COL22A1: variants seen among roughly 807,000 people sequenced by gnomAD.
The protein encoded by COL22A1 is collagen type XXII alpha 1 chain.
A neutral mutation model predicts 248.9 loss-of-function variants in COL22A1; 221 were observed. The ratio of observed to expected loss-of-function variants is 0.89; its 90% CI spans 0.80 to 0.99. The LOEUF (loss-of-function observed/expected upper bound fraction) is 0.99. Ranked by LOEUF, COL22A1 falls within the 50% of genes least tolerant of loss-of-function variation. The pLI is 0.00. For synonymous variants in COL22A1, 891 were observed against 793.4 expected (o/e 1.12, Z -2.07); for missense variants, 2,240 against 2,179.0 (o/e 1.03, Z -0.56).
At chr8:138,807,993 A>C (rs1817872902) in intron 9 of COL22A1, among the ~76,000 whole-genome samples, 181 bp from the exon 10 acceptor site, 1 of 152,234 alleles carries the variant, frequency 6.6e-6, no homozygotes, top group Non-Finnish European at 1.5e-5. Flanking sequence ...CTTGAACTGC[A>C]AACCTATACG....
At chr8:138,806,517 G>T (rs1036596336) in intron 10 of COL22A1, among the ~76,000 whole-genome samples, 1 of 152,072 alleles carries the variant, frequency 6.6e-6, no homozygotes, top group African/African-American at 2.4e-5. Flanking sequence ...AAGGAGGGAC[G>T]CATAGGAAGG....
intron 55 of COL22A1, among the ~76,000 whole-genome samples, chr8:138,614,430 A>G (rs182015645): frequency 8.3e-4 from 126 of 152,330 alleles, no homozygotes; most frequent in African/African-American, 2.8e-3. Flanking sequence ...TGGATAAAAA[A>G]TCAGAAACTT....
At chr8:138,871,158 C>G (rs553845838) in intron 3 of COL22A1, among the ~76,000 whole-genome samples, 2 of 152,112 alleles carry the variant, frequency 1.3e-5, no homozygotes, top group Non-Finnish European at 2.9e-5. Flanking sequence ...CCAGACTTGC[C>G]AACAGCCAGC....
At chr8:138,742,368 TG>T (rs1327253004) in intron 22 of COL22A1, among the ~76,000 whole-genome samples, 1 of 151,940 alleles carries the variant, frequency 6.6e-6, no homozygotes, top group Non-Finnish European at 1.5e-5. Context: ...GTGGAGTTGA[TG>T]GTGATGATGA....
intron 3 of COL22A1, among the ~76,000 whole-genome samples, chr8:138,863,914 T>G (rs1822672533): frequency 1.3e-5 from 2 of 152,158 alleles, no homozygotes; most frequent in Admixed American, 1.3e-4. Flanking sequence ...TGGAAAAGGG[T>G]TTCCGCTCTC....
intron 60 of COL22A1, among the ~76,000 whole-genome samples, chr8:138,601,702 T>A (rs942209970): frequency 6.6e-6 from 1 of 152,048 alleles, no homozygotes; most frequent in Non-Finnish European, 1.5e-5. Context: ...TATGGGAAAA[T>A]CTGTTCCCTT....
At chr8:138,669,263 T>A (rs1824800141) in intron 41 of COL22A1, among the ~76,000 whole-genome samples, 1 of 151,448 alleles carries the variant, frequency 6.6e-6, no homozygotes, top group African/African-American at 2.4e-5. Context: ...AGGGGCAGAG[T>A]GAAGCTGAGC....
At chr8:138,829,100 C>G (rs1819821955) in intron 5 of COL22A1, among the ~76,000 whole-genome samples, 1 of 152,216 alleles carries the variant, frequency 6.6e-6, no homozygotes, top group African/African-American at 2.4e-5. Flanking sequence ...GCTGTAGGAC[C>G]TGCGAGCAAG....
intron 48 of COL22A1, among the ~76,000 whole-genome samples, chr8:138,636,506 G>GAAAGT (rs1821178660): frequency 6.7e-6 from 1 of 148,582 alleles, no homozygotes; most frequent in Admixed American, 6.8e-5. Flanking sequence ...GAAAGGAAAG[G>GAAAGT]AAAGGAAAGG....
intron 3 of COL22A1, among the ~76,000 whole-genome samples, chr8:138,860,368 C>G (rs1037031899): frequency 6.6e-6 from 1 of 152,228 alleles, no homozygotes; most frequent in Non-Finnish European, 1.5e-5. Context: ...TCCAGGTGGT[C>G]ACCCTGACAT....
chr8:138,722,463 A>G (rs1025112733), intron 25 of COL22A1, among the ~76,000 whole-genome samples: 14 of 152,270 alleles, frequency 9.2e-5, no homozygotes, highest in African/African-American at 3.4e-4. Flanking sequence ...CCTCTCCAGA[A>G]TCTTTTTGCC....
intron 3 of COL22A1, among the ~76,000 whole-genome samples, chr8:138,871,860 A>C (rs187398719): frequency 1.3e-5 from 2 of 152,350 alleles, no homozygotes; most frequent in African/African-American, 4.8e-5. Context: ...CAGACTTTCA[A>C]GTGAACCTCA....
intron 41 of COL22A1, among the ~76,000 whole-genome samples, chr8:138,665,896 T>C (rs1324790422): frequency 6.6e-6 from 1 of 152,166 alleles, no homozygotes; most frequent in South Asian, 2.1e-4. Flanking sequence ...GAAATAGAAA[T>C]GTAGAGTCAT....
At chr8:138,747,261 C>T (rs1213880392) in intron 22 of COL22A1, among the ~76,000 whole-genome samples, 1 of 152,160 alleles carries the variant, frequency 6.6e-6, no homozygotes, top group Non-Finnish European at 1.5e-5. Context: ...ATGTTGAGTG[C>T]ATTTAGGGTA....
intron 7 of COL22A1, among the ~76,000 whole-genome samples, chr8:138,814,143 C>T (rs1818481497): frequency 6.6e-6 from 1 of 152,236 alleles, no homozygotes; most frequent in South Asian, 2.1e-4. Context: ...CCCAGGTGTC[C>T]CTCTCTTCAC....
intron 15 of COL22A1, chr8:138,777,882 G>A (rs1023271129): frequency 4.0e-5 from 7 of 173,768 alleles, no homozygotes; most frequent in Non-Finnish European, 8.7e-5. Flanking sequence ...TGGTCGAGAA[G>A]CTACTTTGTT....
chr8:138,760,415 T>C (rs966314214), intron 17 of COL22A1, 128 bp from the exon 18 acceptor site: 11 of 786,076 alleles, frequency 1.4e-5, no homozygotes, highest in Non-Finnish European at 2.2e-5. Context: ...CCAAAGTCCC[T>C]TTAGACCTGA....
intron 1 of COL22A1, among the ~76,000 whole-genome samples, chr8:138,895,808 T>C (rs1445349876): frequency 6.6e-6 from 1 of 152,224 alleles, no homozygotes; most frequent in African/African-American, 2.4e-5. Flanking sequence ...CTGTAGATCC[T>C]ATTTATCCCC....
chr8:138,725,522 G>A (rs1830233347), intron 23 of COL22A1, 82 bp from the exon 24 acceptor site: 3 of 1,144,850 alleles, frequency 2.6e-6, no homozygotes, highest in Non-Finnish European at 3.8e-6. Context: ...AAGAGGCAAA[G>A]GGAAGGGGAC....
Sources: gnomAD v4.1 joint callset for allele counts (sites outside exome capture counted in the v4.1 genomes callset) on GRCh38, gnomAD v4.1.1 for gene constraint, MANE v1.5 for transcripts, NCBI Gene and HGNC (gene_info 2026-07-23, HGNC 2026-07-21) for gene names.